The following CDH12 variants were observed in gnomAD, a reference collection of about 807,000 sequenced individuals.
The protein encoded by CDH12 is cadherin 12.
CDH12 carries 41 observed loss-of-function variants against 74.1 expected under a neutral mutation model. That is an observed-to-expected ratio of 0.55 (90% CI 0.43 to 0.72). The LOEUF (loss-of-function observed/expected upper bound fraction) is 0.72, where lower values mean the gene tolerates loss of function less well. CDH12 is among the 30% of genes least tolerant of loss of function. The pLI is 0.00. For missense variants in CDH12, 945 were observed against 977.2 expected (o/e 0.97, Z 0.44); for synonymous variants, 399 against 355.0 (o/e 1.12, Z -1.39).
chr5:22,045,890 A>G (rs1406865155), intron 5 of CDH12, among the ~76,000 whole-genome samples: 1 of 152,192 alleles, frequency 6.6e-6, no homozygotes, highest in African/African-American at 2.4e-5. Flanking sequence ...TATGGTGACT[A>G]TATTAAAAAA....
chr5:22,567,008 G>A (rs761534001), intron 1 of CDH12, among the ~76,000 whole-genome samples: 2 of 152,168 alleles, frequency 1.3e-5, no homozygotes, highest in African/African-American at 2.4e-5. Flanking sequence ...CAAATGAGAG[G>A]TGGCTAAGGC....
intron 5 of CDH12, among the ~76,000 whole-genome samples, chr5:22,026,661 A>G (rs1347990478): frequency 6.6e-6 from 1 of 152,126 alleles, no homozygotes; most frequent in Non-Finnish European, 1.5e-5. Flanking sequence ...GGTTAACATT[A>G]GGGTTAGGGT....
At chr5:22,277,759 G>A (rs950996746) in intron 3 of CDH12, among the ~76,000 whole-genome samples, 11 of 152,124 alleles carry the variant, frequency 7.2e-5, no homozygotes, top group African/African-American at 2.4e-4. Flanking sequence ...GCTTGAACCC[G>A]GGAGGTGGAG....
rs1029717733 is a variant in CDH12 at position 22,645,375 on chromosome 5, A to G, written c.-522-140011T>C. 4.6e-5 allele frequency among the ~76,000 whole-genome samples: 7 copies of G among 152,254 alleles called. No individual in the cohort carries two copies. In the East Asian group the frequency reaches 5.8e-4, roughly 13 times the overall value. On this transcript the variant is annotated intron_variant, in intron 1 of 14. Coordinates refer to ENST00000382254, the MANE Select transcript of CDH12 (RefSeq NM_004061.5). ...TAACTGCAGATGTGGTAGAAACTGC[A>G]AGAAAACTGTAATTAGAAGTGAAGC...
At chr5:21,803,460 T>C (rs1747252005) in intron 9 of CDH12, among the ~76,000 whole-genome samples, 1 of 152,144 alleles carries the variant, frequency 6.6e-6, no homozygotes, top group Non-Finnish European at 1.5e-5. Flanking sequence ...GAGAAGGCTG[T>C]GAAACATAAT....
intron 1 of CDH12, among the ~76,000 whole-genome samples, chr5:22,517,655 A>G (rs1328026188): frequency 2.0e-5 from 3 of 152,174 alleles, no homozygotes; most frequent in Admixed American, 2.0e-4. Context: ...ACTCAAAATA[A>G]AGCATCAACA....
intron 3 of CDH12, among the ~76,000 whole-genome samples, chr5:22,334,858 A>G (rs1739506139): frequency 1.3e-5 from 2 of 152,316 alleles, no homozygotes; most frequent in Admixed American, 6.5e-5. Context: ...AAAATGTATT[A>G]AAGACTTAAA....
At chr5:22,616,123 CAA>C (rs1358814905) in intron 1 of CDH12, among the ~76,000 whole-genome samples, 3 of 151,996 alleles carry the variant, frequency 2.0e-5, no homozygotes, top group Non-Finnish European at 4.4e-5. Flanking sequence ...ATAAAATTGT[CAA>C]AGACATATAA....
At position 22,078,794 on chromosome 5, in the gene CDH12, A is replaced by C. The variant is rs1742514783; in HGVS notation, c.-118T>G. 2.7e-6 allele frequency: 4 copies of C among 1,469,508 alleles called. No individual in the cohort carries two copies. 91.0% of individuals were successfully genotyped at this position (1,469,508 alleles called of 1,614,324 possible). A position where few individuals can be genotyped will look rare whatever the true frequency, so the allele number is the denominator to read the frequency against. ...ACTTAGCTTCTTGTTTTATTGCAGA[A>C]ATGATGATGCAGGCATTAATCCTTT... On this transcript the variant is annotated 5_prime_UTR_variant, in exon 5 of 15. In the 5' UTR this introduces an upstream ATG that the reference lacks. Transcript: ENST00000382254.
chr5:22,342,631 TTTCTTTCTC>T (rs1739911939), intron 3 of CDH12, among the ~76,000 whole-genome samples: 2 of 45,520 alleles, frequency 4.4e-5, no homozygotes, highest in East Asian at 1.8e-3. Context: ...TCCTTTTCTA[TTTCTTTCTC>T]TTTCTTATTT....
chr5:22,390,043 G>T (rs1268314932), intron 3 of CDH12, among the ~76,000 whole-genome samples: 1 of 113,490 alleles, frequency 8.8e-6, no homozygotes, highest in African/African-American at 2.8e-5. Flanking sequence ...ACACATGCAC[G>T]CACACGCTAG....
intron 1 of CDH12, among the ~76,000 whole-genome samples, chr5:22,761,302 T>A (rs1327311793): frequency 1.3e-5 from 2 of 152,176 alleles, no homozygotes; most frequent in Non-Finnish European, 2.9e-5. Flanking sequence ...TTAAAAATTA[T>A]CTCAGATGGG....
chr5:22,022,341 T>A (rs1448397460), intron 5 of CDH12, among the ~76,000 whole-genome samples: 1 of 152,024 alleles, frequency 6.6e-6, no homozygotes. Flanking sequence ...GTGTAGTACT[T>A]CCTCCTTCAC....
At chr5:22,810,319 A>G (rs188652488) in intron 1 of CDH12, among the ~76,000 whole-genome samples, 95 of 152,314 alleles carry the variant, frequency 6.2e-4, no homozygotes, top group African/African-American at 2.2e-3. Context: ...ACATAGTCCT[A>G]AACAATAGGA....
At chr5:22,449,242 T>C (rs1744949727) in intron 2 of CDH12, among the ~76,000 whole-genome samples, 1 of 152,020 alleles carries the variant, frequency 6.6e-6, no homozygotes, top group Non-Finnish European at 1.5e-5. Flanking sequence ...TTGAGCACAA[T>C]TGCACACCAT....
intron 1 of CDH12, among the ~76,000 whole-genome samples, chr5:22,689,908 T>C (rs1228415811): frequency 6.6e-6 from 1 of 152,044 alleles, no homozygotes; most frequent in South Asian, 2.1e-4. Flanking sequence ...ATAATTTAGC[T>C]ATAAAATACA....
At chr5:22,262,399 G>A (rs1753553562) in intron 3 of CDH12, among the ~76,000 whole-genome samples, 2 of 151,694 alleles carry the variant, frequency 1.3e-5, no homozygotes, top group Non-Finnish European at 1.5e-5. Context: ...ATAGTTTACT[G>A]AGAATGATGA....
chr5:22,580,506 C>T (rs1580784993), intron 1 of CDH12: 3 of 478,376 alleles, frequency 6.3e-6, no homozygotes, highest in Admixed American at 2.3e-5. Context: ...AGAGAGTGAG[C>T]CGGGGACTTC....
chr5:22,777,823 A>AT (rs559975662), intron 1 of CDH12, among the ~76,000 whole-genome samples: 1 of 151,794 alleles, frequency 6.6e-6, no homozygotes, highest in South Asian at 2.1e-4. Context: ...ATATATCAAT[A>AT]TTTTTTTTGA....
Sources: allele counts gnomAD v4.1 joint callset (sites outside exome capture counted in the v4.1 genomes callset), GRCh38; gene constraint gnomAD v4.1.1; transcripts MANE v1.5; gene names NCBI Gene and HGNC (gene_info 2026-07-23, HGNC 2026-07-21).